The following TNS1 variants were observed in gnomAD, a reference collection of about 807,000 sequenced individuals.
TNS1 encodes tensin 1.
A neutral mutation model predicts 168.6 loss-of-function variants in TNS1; 62 were observed. That is an observed-to-expected ratio of 0.37 (90% confidence interval 0.30 to 0.45). The LOEUF (loss-of-function observed/expected upper bound fraction) is 0.45, where lower values mean the gene tolerates loss of function less well. TNS1 is among the 20% of genes least tolerant of loss of function. The pLI, the probability that TNS1 is intolerant of heterozygous loss-of-function variation, is 1.00. For synonymous variants in TNS1, 934 were observed against 933.2 expected, an observed-to-expected ratio of 1.00 and a Z score of -0.02; for missense variants, 2,240 against 2,339.4, an observed-to-expected ratio of 0.96 and a Z score of 0.88.
chr2:217,812,512 T>G, intron 27 of TNS1, 67 bp from the exon 28 acceptor site: 1 of 1,324,926 alleles, frequency 7.5e-7, no homozygotes, highest in Middle Eastern at 1.8e-4. Context: ...CCTCCACCTC[T>G]ACCCTTACAC....
intron 11 of TNS1, among the ~76,000 whole-genome samples, chr2:217,892,157 G>A (rs1951809954): frequency 6.6e-6 from 1 of 152,122 alleles, no homozygotes; most frequent in Non-Finnish European, 1.5e-5. Flanking sequence ...GAGTGCAGTG[G>A]CACCATCTTG....
At chr2:217,951,876 C>T (rs1957251540) in intron 3 of TNS1, among the ~76,000 whole-genome samples, 1 of 152,246 alleles carries the variant, frequency 6.6e-6, no homozygotes, top group African/African-American at 2.4e-5. Flanking sequence ...ATGCCAGGTG[C>T]TCAGTGGTTC....
Position 217,926,901 on chromosome 2 carries a change from C to T in TNS1, c.187-6665G>A, listed in dbSNP as rs532689747. On this transcript the variant is annotated intron_variant, in intron 3 of 32. Transcript: ENST00000682258. ...AACACCTGCCTTGCCCCACCTGTCA[C>T]GCTGCCTCTACAGTGGGACAGGGCC... 2.7e-4 allele frequency among the ~76,000 whole-genome samples: 41 copies of T among 152,348 alleles called. No individual in the cohort carries two copies. The South Asian group carries it at 6.6e-3, about 25-fold the overall frequency.
chr2:217,840,799 C>T (rs1312381772), intron 19 of TNS1, among the ~76,000 whole-genome samples: 1 of 152,238 alleles, frequency 6.6e-6, no homozygotes, highest in Non-Finnish European at 1.5e-5. Flanking sequence ...TGAGCACCCT[C>T]ATTGCAAAGG....
intron 1 of TNS1, among the ~76,000 whole-genome samples, chr2:218,018,068 C>T (rs1574482436): frequency 6.6e-6 from 1 of 152,126 alleles, no homozygotes; most frequent in Non-Finnish European, 1.5e-5. Context: ...GAGGCTGGAA[C>T]CCAAGAAAAG....
chr2:217,933,352 A>T (rs759057972), intron 3 of TNS1, among the ~76,000 whole-genome samples: 2 of 152,208 alleles, frequency 1.3e-5, no homozygotes, highest in Non-Finnish European at 2.9e-5. Flanking sequence ...GGTGACCCAG[A>T]CACTGCAGCC....
chr2:217,929,915 C>G (rs1432604328), intron 3 of TNS1, among the ~76,000 whole-genome samples: 2 of 152,246 alleles, frequency 1.3e-5, no homozygotes, highest in African/African-American at 2.4e-5. Context: ...TCCCCTCCAC[C>G]CCATTCTCCA....
At chr2:217,906,489 G>C (rs1344906781) in intron 5 of TNS1, 104 bp from the exon 6 acceptor site, 2 of 677,408 alleles carry the variant, frequency 3.0e-6, no homozygotes, top group Non-Finnish European at 5.4e-6. Context: ...TTGGCAGAGG[G>C]GCCTGGGAAA....
At chr2:217,823,765 G>T (rs1426821481) in intron 22 of TNS1, among the ~76,000 whole-genome samples, 1 of 152,256 alleles carries the variant, frequency 6.6e-6, no homozygotes, top group Non-Finnish European at 1.5e-5. Context: ...AAAGAGGCAG[G>T]CACGGGAGGT....
intron 2 of TNS1, among the ~76,000 whole-genome samples, chr2:217,990,081 CACCAGCCACGG>C (rs1958319609): frequency 1.3e-5 from 2 of 149,600 alleles, no homozygotes; most frequent in Non-Finnish European, 3.0e-5. Context: ...GCCATCCACA[CACCAGCCACGG>C]ACCCTCAACA....
chr2:217,946,957 T>TCACACACACACACA (rs1234529063), intron 3 of TNS1, among the ~76,000 whole-genome samples: 15 of 112,498 alleles, frequency 1.3e-4, no homozygotes, highest in Admixed American at 2.4e-4. Context: ...TCTCTCTCTC[T>TCACACACACACACA]CTCTCTCTCT....
Position 217,891,178 on chromosome 2 carries a change from C to A in TNS1, c.783-133G>T, listed in dbSNP as rs1574970996. On this transcript the variant is annotated intron_variant, in intron 11 of 32. Transcript: ENST00000682258. ...ACCTTTGTCCTGGAGGGAAGACAAG[C>A]CTCTTCCCCCTGCCATCCTGTGCCG... The A allele has an allele frequency of 5.2e-6, 4 of 763,106 alleles. No individual in the cohort carries two copies. The East Asian group carries it at 1.1e-4, about 20-fold the overall frequency. The allele number at this position is 763,106 out of a possible 1,614,324, so 47.3% of individuals were successfully genotyped here.
intron 6 of TNS1, among the ~76,000 whole-genome samples, chr2:217,904,830 T>C (rs928347651): frequency 1.3e-5 from 2 of 152,242 alleles, no homozygotes; most frequent in East Asian, 3.8e-4. Flanking sequence ...ACAGCAGCTC[T>C]AGGATGTGGC....
chr2:218,029,969 T>TC, intron 1 of TNS1, among the ~76,000 whole-genome samples: 1 of 152,142 alleles, frequency 6.6e-6, no homozygotes, highest in South Asian at 2.1e-4. Context: ...TATTTTCAAC[T>TC]TCCTCCTGCT....
intron 3 of TNS1, among the ~76,000 whole-genome samples, chr2:217,973,201 A>G (rs1957812154): frequency 6.6e-6 from 1 of 151,826 alleles, no homozygotes; most frequent in Non-Finnish European, 1.5e-5. Context: ...AAAAAGTAAA[A>G]AGAAAATTAG....
At chr2:217,887,860 C>T (rs1216392070) in intron 12 of TNS1, among the ~76,000 whole-genome samples, 4 of 152,186 alleles carry the variant, frequency 2.6e-5, no homozygotes, top group Non-Finnish European at 5.9e-5. Context: ...GTCGATTGGT[C>T]GGCATTTTCC....
intron 6 of TNS1, among the ~76,000 whole-genome samples, chr2:217,903,445 T>G (rs750126090): frequency 6.6e-6 from 1 of 152,234 alleles, no homozygotes; most frequent in Non-Finnish European, 1.5e-5. Flanking sequence ...ATAAGCTCTC[T>G]GCCTGCCTGT....
chr2:217,859,338 G>A (rs1241564916), intron 18 of TNS1: 2 of 396,682 alleles, frequency 5.0e-6, no homozygotes, highest in Non-Finnish European at 8.9e-6. Flanking sequence ...GAACAATAAG[G>A]TGGAAATCTT....
intron 18 of TNS1, among the ~76,000 whole-genome samples, chr2:217,862,476 G>T (rs563631619): frequency 2.0e-5 from 3 of 152,180 alleles, no homozygotes; most frequent in Non-Finnish European, 4.4e-5. Flanking sequence ...AGAGGTAGGA[G>T]GGTGGGTCTG....
Sources: allele counts gnomAD v4.1 joint callset (sites outside exome capture counted in the v4.1 genomes callset), GRCh38; gene constraint gnomAD v4.1.1; transcripts MANE v1.5; gene names NCBI Gene and HGNC (gene_info 2026-07-23, HGNC 2026-07-21).